The following PCLO variants were observed in gnomAD, a reference collection of about 807,000 sequenced individuals.
The protein encoded by PCLO is protein piccolo.
PCLO carries 82 observed loss-of-function variants against 427.5 expected under a neutral mutation model. The observed-to-expected ratio is 0.19, with a 90% CI of 0.16 to 0.23. The LOEUF (loss-of-function observed/expected upper bound fraction) is 0.23. Ranked by LOEUF, PCLO falls within the 10% of genes least tolerant of loss-of-function variation. The probability of loss-of-function intolerance (pLI) is 1.00; values close to 1 mark genes in which losing one functional copy is unlikely to be tolerated. For synonymous variants in PCLO, 2,357 were observed against 2,155.4 expected, an observed-to-expected ratio of 1.09 and a Z score of -2.59; for missense variants, 6,239 against 6,115.9, an observed-to-expected ratio of 1.02 and a Z score of -0.67.
chr7:82,906,912 C>T (rs1445272017), intron 8 of PCLO, among the ~76,000 whole-genome samples: 1 of 151,916 alleles, frequency 6.6e-6, no homozygotes, highest in Non-Finnish European at 1.5e-5. Flanking sequence ...CGTGAGCAGA[C>T]ATAGCAAGAA....
At chr7:82,973,540 C>G (rs1424647242) in intron 3 of PCLO, among the ~76,000 whole-genome samples, 1 of 152,036 alleles carries the variant, frequency 6.6e-6, no homozygotes, top group South Asian at 2.1e-4. Context: ...AATACAGGTA[C>G]TGTTAGAAAC....
At chr7:83,044,747 AC>A (rs1789064055) in intron 3 of PCLO, among the ~76,000 whole-genome samples, 1 of 152,154 alleles carries the variant, frequency 6.6e-6, no homozygotes. Context: ...CGCACATGTA[AC>A]ATATGTACAA....
Position 82,965,795 on chromosome 7 carries a change from C to A in PCLO, c.3993G>T (p.Gln1331His). 6.2e-7 allele frequency: 1 copy of A among 1,605,164 alleles called. No homozygotes were observed. Among genetic ancestry groups the A allele is most frequent in the Non-Finnish European group, 8.5e-7 (1 of 1,176,964 alleles). Residue 1331 changes from glutamine (Q) to histidine (H), a missense_variant, in exon 4 of 25, where the codon CAG becomes CAT. Physicochemically the swap from Gln to His is conservative, Grantham distance 24. Transcript: ENST00000333891. ...PQPPCTAKPD[Q>H]VEPGKEKTEK... is the part of the protein sequence containing the mutation. ...CTGTTTTTTCTTTCCCAGGTTCCAC[C>A]TGATCAGGTTTTGCTGTGCATGGTG...
intron 3 of PCLO, among the ~76,000 whole-genome samples, chr7:83,128,534 A>G (rs1443144420): frequency 2.0e-5 from 3 of 152,126 alleles, no homozygotes; most frequent in African/African-American, 7.2e-5. Flanking sequence ...ATTAATTGAT[A>G]CAACCACTGT....
In PCLO at chr7:83,155,717, T is replaced by G. The variant is rs1168954398; in HGVS notation, c.924A>C (p.Gln308His). Reference protein sequence around the residue: ...LPSPSKPPIQQPTPGKPPAQQ... With the variant: ...LPSPSKPPIQHPTPGKPPAQQ... ...GTGCTGGAGGTTTTCCAGGAGTTGG[T>G]TGCTGAATAGGTGGTTTGGATGGGC... Residue 308 changes from glutamine (Q) to histidine (H), a missense_variant, in exon 2 of 25, where the codon CAA (glutamine) becomes CAC (histidine). This residue lies in a region of PCLO where 4,677 missense variants were observed against 4,468.4 expected (regional missense o/e 1.05). Coordinates refer to ENST00000333891, the MANE Select transcript of PCLO (RefSeq NM_033026.6). 1.9e-6 allele frequency: 3 copies of G among 1,613,840 alleles called. No homozygotes were observed. In the East Asian group the frequency reaches 6.7e-5, roughly 36 times the overall value.
chr7:82,760,959 T>TTA (rs1267420407), intron 23 of PCLO, among the ~76,000 whole-genome samples, 175 bp from the exon 24 acceptor site: 1 of 137,984 alleles, frequency 7.2e-6, no homozygotes, highest in Non-Finnish European at 1.6e-5. Context: ...TTTTTTTTTT[T>TTA]TTTTTTTTTT....
intron 3 of PCLO, among the ~76,000 whole-genome samples, chr7:83,095,455 T>C (rs1790510013): frequency 6.6e-6 from 1 of 151,816 alleles, no homozygotes; most frequent in African/African-American, 2.4e-5. Context: ...TATTATTTTT[T>C]TCCTTCTACT....
chr7:83,048,326 G>A (rs527967979), intron 3 of PCLO, among the ~76,000 whole-genome samples: 3 of 152,084 alleles, frequency 2.0e-5, no homozygotes, highest in African/African-American at 4.8e-5. Flanking sequence ...ACTTGCATGA[G>A]TCATTAATCC....
chr7:82,761,945 T>C (rs1790440528), intron 22 of PCLO, among the ~76,000 whole-genome samples: 1 of 152,078 alleles, frequency 6.6e-6, no homozygotes, highest in Non-Finnish European at 1.5e-5. Context: ...TCAATTCACA[T>C]AGATATGACT....
At chr7:82,912,372 T>C (rs1019585169) in intron 7 of PCLO, among the ~76,000 whole-genome samples, 1 of 151,842 alleles carries the variant, frequency 6.6e-6, no homozygotes, top group African/African-American at 2.4e-5. Context: ...AAAAATAGTA[T>C]GCTTATGTGA....
chr7:82,825,628 T>G (rs56798055), intron 18 of PCLO, among the ~76,000 whole-genome samples: 5,338 of 148,076 alleles, frequency 0.036, 330 homozygotes, highest in African/African-American at 0.12. Context: ...ATATATATTA[T>G]ATATATTATA....
chr7:82,817,262 A>C (rs1022465719), intron 20 of PCLO, among the ~76,000 whole-genome samples: 1 of 152,160 alleles, frequency 6.6e-6, no homozygotes, highest in African/African-American at 2.4e-5. Context: ...TTTTTTGCAC[A>C]AACACATGGA....
chr7:82,993,180 C>T (rs1214321488), intron 3 of PCLO, among the ~76,000 whole-genome samples: 1 of 151,918 alleles, frequency 6.6e-6, no homozygotes, highest in Admixed American at 6.6e-5. Flanking sequence ...CTTAATATCT[C>T]ATTATAAAAT....
chr7:82,895,892 A>G (rs1035440762), intron 9 of PCLO, among the ~76,000 whole-genome samples: 5 of 151,920 alleles, frequency 3.3e-5, no homozygotes, highest in Non-Finnish European at 5.9e-5. Context: ...CAAAAAATGA[A>G]TAATACGAAT....
chr7:82,776,395 T>C (rs2129467971), intron 22 of PCLO, among the ~76,000 whole-genome samples: 1 of 152,000 alleles, frequency 6.6e-6, no homozygotes, highest in South Asian at 2.1e-4. Flanking sequence ...GAGTTCCAGA[T>C]CATCCTGGCC....
At position 82,916,171 on chromosome 7, in the gene PCLO, G is replaced by C; in HGVS notation, c.11815C>G (p.Gln3939Glu). The change falls in exon 7 of 25, where the codon CAA (glutamine) becomes GAA (glutamate). Residue 3939 changes from glutamine (Q) to glutamate (E), a missense_variant. Gln to Glu is a conservative substitution (Grantham distance 29). Transcript: ENST00000333891. ...TGTGGGGTTGGTGTAGGTTGAACTT[G>C]AGGTGTGAAGGACATTGTTGCCACA... is the stretch of plus-strand genomic sequence containing the variant. ...QAVATMSFTP[Q>E]VQPTPTPQPS... is the part of the protein sequence containing the mutation. 1 of 1,613,596 alleles carries C rather than the reference G, an allele frequency of 6.2e-7. No individual in the cohort carries two copies. Among genetic ancestry groups the C allele is most frequent in the Non-Finnish European group, 8.5e-7 (1 of 1,179,702 alleles).
intron 3 of PCLO, among the ~76,000 whole-genome samples, chr7:83,023,402 C>T (rs1002381545): frequency 6.6e-6 from 1 of 152,114 alleles, no homozygotes; most frequent in Non-Finnish European, 1.5e-5. Context: ...GTTTAGAATT[C>T]AATAATGTAT....
At chr7:83,035,060 T>G (rs757406271) in intron 3 of PCLO, among the ~76,000 whole-genome samples, 1 of 152,198 alleles carries the variant, frequency 6.6e-6, no homozygotes, top group African/African-American at 2.4e-5. Flanking sequence ...TAATATCCAT[T>G]TGAGTGCTCT....
chr7:82,991,797 T>C lies in PCLO; in HGVS notation c.3301-25310A>G, dbSNP rs189464471. Reference sequence around the variant, plus strand: ...CTCCCTTCCCAGGGGCAATACTTCATAATGCAAATATAAAATATTCTCAGT... The same window carrying C: ...CTCCCTTCCCAGGGGCAATACTTCACAATGCAAATATAAAATATTCTCAGT... On this transcript the variant is annotated intron_variant, in intron 3 of 24. Transcript: ENST00000333891. Among the ~76,000 whole-genome samples the C allele has an allele frequency of 1.6e-3, 239 of 152,300 alleles. 1 individual carries two copies. Among genetic ancestry groups the C allele is most frequent in the Non-Finnish European group, 3.1e-3 (210 of 68,020 alleles).
Sources: allele counts gnomAD v4.1 joint callset (sites outside exome capture counted in the v4.1 genomes callset), GRCh38; gene constraint gnomAD v4.1.1; regional missense constraint gnomAD v4.1.1; transcripts MANE v1.5; gene names NCBI Gene and HGNC (gene_info 2026-07-23, HGNC 2026-07-21).